FAM156A: variants seen among roughly 807,000 people sequenced by gnomAD.
The protein encoded by FAM156A is protein FAM156A/FAM156B.
intron 1 of FAM156A, among the ~76,000 whole-genome samples, chrX:52,980,131 G>A (rs958585240): frequency 9.8e-5 from 11 of 111,958 alleles, no homozygotes; most frequent in South Asian, 3.7e-4. Flanking sequence ...ACTGGGTGGC[G>A]GGGGCCGGGG....
chrX:52,994,365 C>G (rs782801680), intron 1 of FAM156A, among the ~76,000 whole-genome samples: 46 of 110,469 alleles, frequency 4.2e-4, no homozygotes, highest in African/African-American at 1.5e-3. Flanking sequence ...AGAGACCCCC[C>G]CCAAACCACT....
intron 1 of FAM156A, among the ~76,000 whole-genome samples, chrX:52,975,051 TACACACACACACACACAC>T (rs61081750): frequency 3.6e-5 from 3 of 83,678 alleles, no homozygotes; most frequent in South Asian, 7.4e-4. Flanking sequence ...GTTAAACACA[TACACACACACACACACAC>T]ACACACACAC....
At chrX:52,984,031 C>T (rs1416115473) in intron 1 of FAM156A, among the ~76,000 whole-genome samples, 2 of 111,719 alleles carry the variant, frequency 1.8e-5, no homozygotes, top group Non-Finnish European at 3.8e-5. Flanking sequence ...CCCAAGACCA[C>T]TCCCATTTTC....
chrX:52,991,752 T>C (rs1216969957), intron 1 of FAM156A, among the ~76,000 whole-genome samples: 1 of 110,712 alleles, frequency 9.0e-6, no homozygotes, highest in East Asian at 2.9e-4. Flanking sequence ...GGCAGAATAG[T>C]GGCCCCCCAA....
At chrX:52,992,625 G>A (rs1930865274) in intron 1 of FAM156A, among the ~76,000 whole-genome samples, 1 of 108,335 alleles carries the variant, frequency 9.2e-6, no homozygotes, top group African/African-American at 3.4e-5. Context: ...TTTTGCCTGA[G>A]AGTGTATAAA....
At chrX:52,993,014 G>A (rs988884767) in intron 1 of FAM156A, among the ~76,000 whole-genome samples, 3 of 111,655 alleles carry the variant, frequency 2.7e-5, no homozygotes, top group Non-Finnish European at 5.6e-5. Context: ...GGTGTGAGCA[G>A]GAGAGCAGGC....
At chrX:52,989,460 G>A (rs962450051) in intron 1 of FAM156A, among the ~76,000 whole-genome samples, 1 of 112,019 alleles carries the variant, frequency 8.9e-6, no homozygotes, top group African/African-American at 3.2e-5. Flanking sequence ...CCATTCATGA[G>A]CATCCCCTGC....
chrX:52,973,312 G>A (rs1289343209), intron 1 of FAM156A, among the ~76,000 whole-genome samples: 9 of 110,218 alleles, frequency 8.2e-5, no homozygotes, highest in Non-Finnish European at 1.3e-4. Flanking sequence ...CTGAAGTCCA[G>A]TTCAGCTACT....
chrX:52,983,459 G>A (rs1467616290), intron 1 of FAM156A, among the ~76,000 whole-genome samples: 1 of 111,855 alleles, frequency 8.9e-6, no homozygotes, highest in African/African-American at 3.2e-5. Context: ...GCTGCCAGGG[G>A]AGATTCTGTC....
chrX:52,992,249 G>C (rs1930828275), intron 1 of FAM156A, among the ~76,000 whole-genome samples: 1 of 111,363 alleles, frequency 9.0e-6, no homozygotes, highest in Non-Finnish European at 1.9e-5. Flanking sequence ...CACATGTCCT[G>C]GGCTATTGTG....
intron 1 of FAM156A, among the ~76,000 whole-genome samples, chrX:52,980,782 CTGTGTGTGTGTGTGTGTGTG>C (rs1156303085): frequency 0.014 from 554 of 38,448 alleles, 9 homozygotes; most frequent in African/African-American, 0.052. Flanking sequence ...TAGGGTTCCT[CTGTGTGTGTGTGTGTGTGTG>C]TGTGTGTGTG....
At chrX:52,977,029 T>TAC (rs1391043831) in intron 1 of FAM156A, among the ~76,000 whole-genome samples, 149 of 105,967 alleles carry the variant, frequency 1.4e-3, no homozygotes, top group African/African-American at 4.2e-3. Flanking sequence ...TATATATATA[T>TAC]ACACACACAC....
intron 1 of FAM156A, among the ~76,000 whole-genome samples, chrX:52,986,645 AAC>A (rs1266318134): frequency 9.0e-6 from 1 of 111,037 alleles, no homozygotes; most frequent in Non-Finnish European, 1.9e-5. Flanking sequence ...GACAAAATTC[AAC>A]AGTCATTCAT....
chrX:52,973,690 T>A (rs1929215423), intron 1 of FAM156A, among the ~76,000 whole-genome samples: 1 of 111,954 alleles, frequency 8.9e-6, no homozygotes, highest in East Asian at 2.8e-4. Context: ...GGAGACGGAG[T>A]TTCCGTCTGT....
chrX:52,993,926 T>G (rs1556796129), intron 1 of FAM156A, among the ~76,000 whole-genome samples: 1 of 111,022 alleles, frequency 9.0e-6, no homozygotes, highest in Non-Finnish European at 1.9e-5. Flanking sequence ...GATGCACAGA[T>G]GCCCTCCAAG....
intron 1 of FAM156A, among the ~76,000 whole-genome samples, chrX:52,990,813 AAAG>A (rs1454608167): frequency 1.8e-4 from 18 of 99,225 alleles, no homozygotes; most frequent in African/African-American, 6.5e-4. Flanking sequence ...AAAGAAAAGA[AAAG>A]AAAAGAAAAG....
At chrX:52,973,592 G>A (rs1383554922) in intron 1 of FAM156A, among the ~76,000 whole-genome samples, 1 of 86,377 alleles carries the variant, frequency 1.2e-5, no homozygotes, top group Admixed American at 1.3e-4. Context: ...GGGTCAGAAG[G>A]AAAATAGAAG....
intron 1 of FAM156A, among the ~76,000 whole-genome samples, chrX:52,983,246 G>A (rs182552499): frequency 3.2e-4 from 36 of 111,921 alleles, no homozygotes; most frequent in Non-Finnish European, 5.6e-4. Context: ...GAGTGAGACC[G>A]TCTCAAAATA....
At chrX:52,984,894 A>C (rs925067237) in intron 1 of FAM156A, among the ~76,000 whole-genome samples, 13 of 110,679 alleles carry the variant, frequency 1.2e-4, no homozygotes, top group Admixed American at 4.8e-4. Context: ...AAAACAAAAA[A>C]AAAAACACAA....
Sources: gnomAD v4.1 joint callset for allele counts (sites outside exome capture counted in the v4.1 genomes callset) on GRCh38, gnomAD v4.1.1 for gene constraint, MANE v1.5 for transcripts, NCBI Gene and HGNC (gene_info 2026-07-23, HGNC 2026-07-21) for gene names.